The following RAD54B variants were observed in gnomAD, a reference collection of about 807,000 sequenced individuals.
RAD54B encodes DNA repair and recombination protein RAD54B.
A neutral mutation model predicts 95.8 loss-of-function variants in RAD54B; 78 were observed. That is an observed-to-expected ratio of 0.81 (90% CI 0.68 to 0.98). RAD54B has a LOEUF of 0.98. Ranked by LOEUF, RAD54B falls within the 50% of genes least tolerant of loss-of-function variation. The probability of loss-of-function intolerance (pLI) is 0.00; values close to 1 mark genes in which losing one functional copy is unlikely to be tolerated. For synonymous variants in RAD54B, 328 were observed against 354.9 expected (o/e 0.92, Z 0.85); for missense variants, 957 against 1,056.6 (o/e 0.91, Z 1.31).
intron 3 of RAD54B, chr8:94,432,738 TAC>T (rs1812142532): frequency 1.5e-6 from 2 of 1,363,668 alleles, no homozygotes; most frequent in Admixed American, 3.2e-5. Context: ...TAATTTAATG[TAC>T]ATTAAATGAT....
chr8:94,404,307 C>A, intron 5 of RAD54B, 68 bp from the exon 6 acceptor site: 1 of 1,373,180 alleles, frequency 7.3e-7, no homozygotes, highest in South Asian at 1.6e-5. Flanking sequence ...ATCTTGTTTT[C>A]ATTACCCTAA....
At chr8:94,429,248 A>G in intron 3 of RAD54B, 1 of 543,894 alleles carries the variant, frequency 1.8e-6, no homozygotes, top group East Asian at 1.5e-4. Context: ...ATGCTGCAGA[A>G]AAATATGATT....
chr8:94,413,939 G>C (rs556692672), intron 3 of RAD54B, among the ~76,000 whole-genome samples: 1 of 150,738 alleles, frequency 6.6e-6, no homozygotes, highest in African/African-American at 2.4e-5. Flanking sequence ...GGGTTCAAGC[G>C]ATTCTCCTGC....
intron 3 of RAD54B, among the ~76,000 whole-genome samples, chr8:94,415,174 G>A (rs1048539457): frequency 3.3e-5 from 5 of 151,962 alleles, no homozygotes; most frequent in African/African-American, 1.2e-4. Flanking sequence ...CAGAGATATA[G>A]ATCAATGGAA....
At chr8:94,421,640 G>C (rs541343398) in intron 3 of RAD54B, among the ~76,000 whole-genome samples, 3 of 151,902 alleles carry the variant, frequency 2.0e-5, no homozygotes, top group South Asian at 4.2e-4. Flanking sequence ...CCCATGTCTC[G>C]TCCTTATACA....
intron 3 of RAD54B, among the ~76,000 whole-genome samples, chr8:94,447,195 C>G (rs1812542699): frequency 6.6e-6 from 1 of 152,164 alleles, no homozygotes; most frequent in Non-Finnish European, 1.5e-5. Flanking sequence ...ATAAAATTTA[C>G]TCCACCCATG....
chr8:94,407,391 CA>C, intron 5 of RAD54B, 47 bp downstream of exon 5: 1 of 1,523,350 alleles, frequency 6.6e-7, no homozygotes, highest in Non-Finnish European at 8.9e-7. Flanking sequence ...ACACAAAAAA[CA>C]TTTTGACAGT....
intron 3 of RAD54B, among the ~76,000 whole-genome samples, chr8:94,422,613 AAAAAATATATATATATATATATAT>A (rs1256804371): frequency 2.4e-5 from 2 of 84,920 alleles, no homozygotes; most frequent in East Asian, 5.4e-4. Context: ...AAAAAAAAAA[AAAAAATATATATATATATATATAT>A]ATATATATAT....
intron 3 of RAD54B, chr8:94,429,846 T>C: frequency 8.1e-6 from 8 of 985,350 alleles, no homozygotes; most frequent in Non-Finnish European, 9.6e-6. Context: ...AATAGTACCT[T>C]GAGTTCATTT....
chr8:94,417,329 T>C (rs1320031385), intron 3 of RAD54B, among the ~76,000 whole-genome samples: 3 of 152,156 alleles, frequency 2.0e-5, no homozygotes, highest in African/African-American at 7.2e-5. Context: ...GTTCTGATGG[T>C]TGCACATTAA....
At chr8:94,446,300 G>T (rs1191219910) in intron 3 of RAD54B, among the ~76,000 whole-genome samples, 2 of 152,138 alleles carry the variant, frequency 1.3e-5, no homozygotes, top group Non-Finnish European at 2.9e-5. Context: ...AAAGAGTCAA[G>T]ATAAGAATTA....
At chr8:94,457,891 A>G (rs1456757062) in intron 3 of RAD54B, among the ~76,000 whole-genome samples, 2 of 152,212 alleles carry the variant, frequency 1.3e-5, no homozygotes, top group Non-Finnish European at 2.9e-5. Flanking sequence ...GAAGTACTCC[A>G]GACTCTAATG....
Position 94,458,277 on chromosome 8 carries a change from G to T in RAD54B, c.295C>A (p.Pro99Thr), listed in dbSNP as rs1407702193. 7 of 1,602,970 alleles carry T rather than the reference G, an allele frequency of 4.4e-6. No individual in the cohort carries two copies. The highest frequency in any genetic ancestry group is 4.2e-6 in the Non-Finnish European group (5 of 1,176,512). Residue 99 changes from proline to threonine, a missense_variant, in exon 3 of 15, where the codon CCT becomes ACT. Physicochemically the swap from Pro to Thr is conservative, Grantham distance 38. Coordinates refer to ENST00000336148, the MANE Select transcript of RAD54B (RefSeq NM_012415.3). ...TAAAAAGCAGTCTTACCTGTATGAG[G>T]TGGATCTAATGTTGCCAGTGTAGGT... is the stretch of plus-strand genomic sequence containing the variant. ...EAPTLATLDP[P>T]HTVHSAPKEV...
intron 3 of RAD54B, among the ~76,000 whole-genome samples, chr8:94,447,338 G>T (rs1369097092): frequency 3.9e-5 from 6 of 152,096 alleles, no homozygotes; most frequent in African/African-American, 1.4e-4. Context: ...TGAGCTAAAG[G>T]AGCCTCTCTG....
chr8:94,456,403 T>G (rs1420561952), intron 3 of RAD54B, among the ~76,000 whole-genome samples: 5 of 152,192 alleles, frequency 3.3e-5, no homozygotes, highest in African/African-American at 1.2e-4. Context: ...TTTGGTATAA[T>G]AACAATGTGT....
chr8:94,457,067 T>C (rs1035546618), intron 3 of RAD54B, among the ~76,000 whole-genome samples: 1 of 152,202 alleles, frequency 6.6e-6, no homozygotes, highest in African/African-American at 2.4e-5. Flanking sequence ...AGCCCAAGAT[T>C]AGTAACATAA....
rs915100195 is a variant in RAD54B, at chr8:94,391,696, C to T, written c.1722G>A (p.Gly574=). The T allele has an allele frequency of 9.3e-6, 15 of 1,613,806 alleles. No individual in the cohort carries two copies. The highest frequency in any genetic ancestry group is 1.3e-5 in the Non-Finnish European group (15 of 1,179,986). ...TTAGATGGGGACTATTTTCCAACAA[C>T]CCTTGAAGGCAGAACCTGACAACCT... ...NSQVVRFCLQ[G]LLENSPHLIC... is the part of the protein sequence containing the mutation. The change falls in exon 10 of 15, where the codon GGG becomes GGA. Residue 574 remains glycine (G), a synonymous_variant. Transcript: ENST00000336148.
At chr8:94,393,474 CT>C (rs1811069918) in intron 9 of RAD54B, 1 of 313,172 alleles carries the variant, frequency 3.2e-6, no homozygotes, top group Non-Finnish European at 5.8e-6. Context: ...ACAAAAGTCA[CT>C]TTGGTTATTT....
At chr8:94,438,884 G>A (rs1394264449) in intron 3 of RAD54B, among the ~76,000 whole-genome samples, 2 of 152,178 alleles carry the variant, frequency 1.3e-5, no homozygotes, top group African/African-American at 4.8e-5. Flanking sequence ...TTGAGCACAT[G>A]AGTTCAAGAC....
Sources: allele counts gnomAD v4.1 joint callset (sites outside exome capture counted in the v4.1 genomes callset), GRCh38; gene constraint gnomAD v4.1.1; transcripts MANE v1.5; gene names NCBI Gene and HGNC (gene_info 2026-07-23, HGNC 2026-07-21).